CLSTN2: variants seen among roughly 807,000 people sequenced by gnomAD.
The protein encoded by CLSTN2 is calsyntenin-2.
A neutral mutation model predicts 101.2 loss-of-function variants in CLSTN2; 48 were observed. The ratio of observed to expected loss-of-function variants is 0.47; its 90% CI spans 0.38 to 0.60. The LOEUF (loss-of-function observed/expected upper bound fraction) is 0.60, where lower values mean the gene tolerates loss of function less well. CLSTN2 is among the 20% of genes least tolerant of loss of function. The pLI is 0.00. For synonymous variants in CLSTN2, 481 were observed against 463.6 expected (o/e 1.04, Z -0.48); for missense variants, 1,160 against 1,238.2 (o/e 0.94, Z 0.95).
intron 2 of CLSTN2, among the ~76,000 whole-genome samples, chr3:140,231,674 C>T (rs1247884423): frequency 6.6e-6 from 1 of 152,136 alleles, no homozygotes; most frequent in Non-Finnish European, 1.5e-5. Flanking sequence ...TTTGTCTTTC[C>T]TAGATAAGAT....
chr3:139,938,475 A>G (rs1197030654), intron 1 of CLSTN2, among the ~76,000 whole-genome samples: 1 of 152,162 alleles, frequency 6.6e-6, no homozygotes, highest in Non-Finnish European at 1.5e-5. Flanking sequence ...CATATTTCCA[A>G]TTTCAGAAAT....
At chr3:140,433,170 T>C (rs1366943271) in intron 5 of CLSTN2, among the ~76,000 whole-genome samples, 1 of 152,138 alleles carries the variant, frequency 6.6e-6, no homozygotes, top group East Asian at 1.9e-4. Context: ...TCTTCCCCCA[T>C]GTTAAAAAGG....
At chr3:139,949,469 G>A (rs1576373411) in intron 1 of CLSTN2, among the ~76,000 whole-genome samples, 1 of 152,136 alleles carries the variant, frequency 6.6e-6, no homozygotes, top group Non-Finnish European at 1.5e-5. Flanking sequence ...TCCCAGGAAG[G>A]GCCCTACTGG....
At chr3:140,012,004 G>A (rs1011591821) in intron 1 of CLSTN2, among the ~76,000 whole-genome samples, 1 of 152,160 alleles carries the variant, frequency 6.6e-6, no homozygotes, top group Non-Finnish European at 1.5e-5. Flanking sequence ...TGTGCTGGAG[G>A]TGTGCAGGAA....
chr3:140,283,392 C>G (rs2086866489), intron 2 of CLSTN2, among the ~76,000 whole-genome samples: 1 of 152,196 alleles, frequency 6.6e-6, no homozygotes, highest in Admixed American at 6.5e-5. Context: ...CCTGTGCAAT[C>G]ACGTTTGTGC....
intron 2 of CLSTN2, among the ~76,000 whole-genome samples, chr3:140,352,871 G>C (rs1466495204): frequency 2.0e-5 from 3 of 152,092 alleles, no homozygotes; most frequent in Non-Finnish European, 4.4e-5. Context: ...CCTTACTCAA[G>C]TTGCTAGTAA....
At chr3:140,020,071 G>A (rs1007425728) in intron 1 of CLSTN2, among the ~76,000 whole-genome samples, 4 of 152,180 alleles carry the variant, frequency 2.6e-5, no homozygotes, top group African/African-American at 4.8e-5. Flanking sequence ...AAACCCTGGG[G>A]AGTATGTGGA....
chr3:140,080,190 C>T (rs910196830), intron 1 of CLSTN2, among the ~76,000 whole-genome samples: 2 of 152,174 alleles, frequency 1.3e-5, no homozygotes, highest in African/African-American at 4.8e-5. Context: ...ATTGAACCTC[C>T]TTCTCTGAAG....
intron 2 of CLSTN2, among the ~76,000 whole-genome samples, chr3:140,197,603 C>T (rs1015454822): frequency 6.6e-5 from 10 of 152,108 alleles, no homozygotes; most frequent in African/African-American, 2.4e-4. Flanking sequence ...GGTGATCTTA[C>T]CCCTCTTACT....
chr3:140,574,524 A>T lies in CLSTN2; in HGVS notation c.*8271A>T, dbSNP rs190178506. On this transcript the variant is annotated 3_prime_UTR_variant, in exon 17 of 17. Transcript: ENST00000458420. ...TTTCATCAGATTTACTGCAGAGCAG[A>T]TTCATCAACATGAAGTTCAATTCCC... The T allele has an allele frequency of 2.0e-5, 3 of 152,374 alleles. No homozygotes were observed. In the East Asian group the frequency reaches 5.8e-4, roughly 29 times the overall value. 9.4% of individuals were successfully genotyped at this position (152,374 alleles called of 1,614,324 possible).
rs945094189 is a variant in CLSTN2 at position 139,992,425 on chromosome 3, A to G, written c.109+56942A>G. Among the ~76,000 whole-genome samples, 5 of 152,280 alleles carry G rather than the reference A, an allele frequency of 3.3e-5. No individual in the cohort carries two copies. In the East Asian group the frequency reaches 9.7e-4, roughly 29 times the overall value. The stretch of plus-strand genomic sequence containing the variant: ...AGGAGGGAGTGGTGGGCCAGGAGAC[A>G]TGACAGGAAGCTCAGAATCTGCCTG... On this transcript the variant is annotated intron_variant, in intron 1 of 16. Transcript: ENST00000458420.
chr3:140,350,754 GC>G (rs1480039919), intron 2 of CLSTN2, among the ~76,000 whole-genome samples: 2 of 152,196 alleles, frequency 1.3e-5, no homozygotes, highest in Non-Finnish European at 2.9e-5. Context: ...ATGATTTTCT[GC>G]CTTTGACCCC....
At chr3:140,190,438 C>CAAAAAA (rs35206840) in intron 2 of CLSTN2, among the ~76,000 whole-genome samples, 1 of 82,966 alleles carries the variant, frequency 1.2e-5, no homozygotes, top group African/African-American at 4.0e-5. Context: ...TCTATAGCTA[C>CAAAAAA]AAAAAAAAAA....
intron 4 of CLSTN2, among the ~76,000 whole-genome samples, chr3:140,407,099 C>G (rs558827903): frequency 6.6e-6 from 1 of 152,292 alleles, no homozygotes; most frequent in East Asian, 1.9e-4. Context: ...CAGAAGCAGT[C>G]CTCCAGGTAA....
chr3:139,962,706 C>T (rs1437403927), intron 1 of CLSTN2, among the ~76,000 whole-genome samples: 1 of 152,096 alleles, frequency 6.6e-6, no homozygotes, highest in Admixed American at 6.6e-5. Context: ...TTTTGAGATT[C>T]ATCTGTTGTT....
intron 1 of CLSTN2, among the ~76,000 whole-genome samples, chr3:140,066,432 C>T (rs1173513441): frequency 6.6e-6 from 1 of 152,182 alleles, no homozygotes; most frequent in African/African-American, 2.4e-5. Flanking sequence ...GCTTGGGTAG[C>T]CAATGACCCT....
At chr3:140,523,590 T>C (rs1405991649) in intron 8 of CLSTN2, among the ~76,000 whole-genome samples, 1 of 152,230 alleles carries the variant, frequency 6.6e-6, no homozygotes, top group African/African-American at 2.4e-5. Flanking sequence ...ATGCCTTACT[T>C]AGCTCAATTC....
intron 2 of CLSTN2, among the ~76,000 whole-genome samples, chr3:140,225,080 G>A (rs983055696): frequency 1.6e-4 from 25 of 152,218 alleles, no homozygotes; most frequent in Non-Finnish European, 3.4e-4. Flanking sequence ...ACTCACAATG[G>A]AGCATCAGTT....
intron 1 of CLSTN2, among the ~76,000 whole-genome samples, chr3:140,005,317 G>T (rs1305549119): frequency 6.6e-6 from 1 of 152,216 alleles, no homozygotes; most frequent in Non-Finnish European, 1.5e-5. Flanking sequence ...CCACGCTTGT[G>T]TTGTAATTAT....
Sources: gnomAD v4.1 joint callset for allele counts (sites outside exome capture counted in the v4.1 genomes callset) on GRCh38, gnomAD v4.1.1 for gene constraint, MANE v1.5 for transcripts, NCBI Gene and HGNC (gene_info 2026-07-23, HGNC 2026-07-21) for gene names.